The following SMYD2 variants were observed in gnomAD, a reference collection of about 807,000 sequenced individuals.
SMYD2 encodes the protein N-lysine methyltransferase SMYD2.
A neutral mutation model predicts 59.1 loss-of-function variants in SMYD2; 53 were observed. The ratio of observed to expected loss-of-function variants is 0.90; its 90% CI spans 0.72 to 1.13. SMYD2 has a LOEUF of 1.13. Ranked by LOEUF, SMYD2 falls within the 50% of genes most tolerant of loss-of-function variation. The pLI, the probability that SMYD2 is intolerant of heterozygous loss-of-function variation, is 0.00. For synonymous variants in SMYD2, 208 were observed against 198.8 expected (o/e 1.05, Z -0.39); for missense variants, 494 against 544.7 (o/e 0.91, Z 0.93).
Position 214,336,741 on chromosome 1 carries a change from A to G in SMYD2, c.1259A>G (p.His420Arg), listed in dbSNP as rs1321815783. 3.1e-6 allele frequency: 5 copies of G among 1,613,914 alleles called. No homozygotes were observed. Among genetic ancestry groups the G allele is most frequent in the Non-Finnish European group, 4.2e-6 (5 of 1,179,978 alleles). The change falls in exon 12 of 12, where the codon CAT becomes CGT. Residue 420 changes from histidine to arginine, a missense_variant. Physicochemically the swap from His to Arg is conservative, Grantham distance 29 (BLOSUM62 0). Transcript: ENST00000366957. Reference sequence around the variant, plus strand: ...ATGGAAGTAGCTCACGGCAAAGATCATCCATATATTTCTGAGATCAAACAG... The same window carrying G: ...ATGGAAGTAGCTCACGGCAAAGATCGTCCATATATTTCTGAGATCAAACAG... ...AIMEVAHGKD[H>R]PYISEIKQEI...
chr1:214,330,420 T>A, intron 8 of SMYD2, 142 bp downstream of exon 8: 1 of 575,386 alleles, frequency 1.7e-6, no homozygotes, highest in South Asian at 2.6e-5. Flanking sequence ...CCAAAGGGAA[T>A]CTAGTTAGAC....
In SMYD2 at chr1:214,318,861, C is replaced by G; in HGVS notation, c.412C>G (p.Leu138Val). Residue 138 changes from leucine to valine, a missense_variant and splice_region_variant, in exon 5 of 12, where the codon CTG becomes GTG. Physicochemically the swap from Leu to Val is conservative, Grantham distance 32. Transcript: ENST00000366957. The surrounding 1 kb of genome is among the most constrained non-coding windows in gnomAD (Gnocchi z 5.4). The part of the protein sequence containing the change: ...LLAVKEFESH[L>V]DKLDNEKKDL... ...AATAATGGATTATTTATCCACAGATCTGGATAAGTTAGACAATGAGAAGAA... is the reference window on the plus strand; with the variant it reads ...AATAATGGATTATTTATCCACAGATGTGGATAAGTTAGACAATGAGAAGAA... 6.2e-7 allele frequency: 1 copy of G among 1,613,460 alleles called. No homozygotes were observed. Among genetic ancestry groups the G allele is most frequent in the Non-Finnish European group, 8.5e-7 (1 of 1,179,864 alleles).
At chr1:214,284,567 C>A (rs953060823) in intron 1 of SMYD2, among the ~76,000 whole-genome samples, 7 of 125,198 alleles carry the variant, frequency 5.6e-5, no homozygotes, top group Admixed American at 4.9e-4. Context: ...AAGTTTTAGA[C>A]TTTTTTTTTT....
chr1:214,320,607 C>CAG (rs1198479757), intron 5 of SMYD2, among the ~76,000 whole-genome samples: 1 of 152,154 alleles, frequency 6.6e-6, no homozygotes, highest in Non-Finnish European at 1.5e-5. Context: ...GCCTAGGCAA[C>CAG]AGAGAGAGAC....
At chr1:214,325,928 G>C (rs574775910) in intron 6 of SMYD2, among the ~76,000 whole-genome samples, 1 of 151,896 alleles carries the variant, frequency 6.6e-6, no homozygotes, top group Non-Finnish European at 1.5e-5. Flanking sequence ...AAGACTAAAA[G>C]ATTAAGAGTA....
intron 1 of SMYD2, among the ~76,000 whole-genome samples, chr1:214,303,368 A>T (rs527993940): frequency 6.6e-6 from 1 of 152,224 alleles, no homozygotes; most frequent in Admixed American, 6.5e-5. Context: ...TTTTTAGTGC[A>T]TTTCCCGAGA....
At chr1:214,328,844 A>C (rs1026396729) in intron 7 of SMYD2, among the ~76,000 whole-genome samples, 1 of 152,144 alleles carries the variant, frequency 6.6e-6, no homozygotes, top group Non-Finnish European at 1.5e-5. Context: ...CAAAGGTCTT[A>C]TGGAGACTGC....
At chr1:214,299,053 A>C (rs1296939341) in intron 1 of SMYD2, among the ~76,000 whole-genome samples, 1 of 152,134 alleles carries the variant, frequency 6.6e-6, no homozygotes, top group Non-Finnish European at 1.5e-5. Flanking sequence ...TGGGAGGCTG[A>C]GGTGAGAGGA....
intron 1 of SMYD2, among the ~76,000 whole-genome samples, chr1:214,300,995 T>C (rs1363353736): frequency 6.6e-6 from 1 of 152,232 alleles, no homozygotes; most frequent in Non-Finnish European, 1.5e-5. Context: ...CAGAAAATTA[T>C]GAAGGTTTAT....
At chr1:214,290,286 C>G (rs905397010) in intron 1 of SMYD2, among the ~76,000 whole-genome samples, 2 of 152,158 alleles carry the variant, frequency 1.3e-5, no homozygotes, top group African/African-American at 4.8e-5. Flanking sequence ...CCAGCTGTGT[C>G]TCTCAGATTC....
At position 214,281,215 on chromosome 1, in the gene SMYD2, G is replaced by C; in HGVS notation, c.-40G>C. On this transcript the variant is annotated 5_prime_UTR_variant, in exon 1 of 12. Transcript: ENST00000366957. Reference sequence around the variant, plus strand: ...CTCCAATAACAGCTCGCCGGGAGCCGCAGCTCGGGCACAGCCGGCGGCCGC... The same window carrying C: ...CTCCAATAACAGCTCGCCGGGAGCCCCAGCTCGGGCACAGCCGGCGGCCGC... 5 of 1,217,446 alleles carry C rather than the reference G, an allele frequency of 4.1e-6. No individual in the cohort carries two copies. The highest frequency in any genetic ancestry group is 5.1e-6 in the Non-Finnish European group (5 of 974,432). The allele number at this position is 1,217,446 out of a possible 1,614,324, so 75.4% of individuals were successfully genotyped here.
At chr1:214,324,900 G>A (rs1657237769) in intron 6 of SMYD2, among the ~76,000 whole-genome samples, 192 bp downstream of exon 6, 1 of 152,208 alleles carries the variant, frequency 6.6e-6, no homozygotes. Context: ...TAGTAGTTAA[G>A]AGAACAGTTG....
intron 5 of SMYD2, among the ~76,000 whole-genome samples, chr1:214,322,834 T>C (rs1328616350): frequency 6.6e-6 from 1 of 152,198 alleles, no homozygotes; most frequent in Non-Finnish European, 1.5e-5. Flanking sequence ...GCTGTAGTAA[T>C]GCTATAGTGA....
intron 5 of SMYD2, among the ~76,000 whole-genome samples, chr1:214,322,337 G>T (rs926208659): frequency 2.0e-5 from 3 of 152,180 alleles, no homozygotes; most frequent in Non-Finnish European, 4.4e-5. Flanking sequence ...CCTAATGTTG[G>T]TTGATGGTCA....
At chr1:214,336,487 G>A (rs11580360) in intron 11 of SMYD2, among the ~76,000 whole-genome samples, 19,547 of 152,188 alleles carry the variant, frequency 0.13, 1,497 homozygotes, top group East Asian at 0.26. Flanking sequence ...AGCGGAGATC[G>A]CACCACTGCA....
intron 3 of SMYD2, among the ~76,000 whole-genome samples, chr1:214,316,063 C>T (rs1292644653): frequency 2.6e-5 from 4 of 152,180 alleles, no homozygotes; most frequent in African/African-American, 9.7e-5. Flanking sequence ...CCTTGTGATC[C>T]AATGAAATAG....
intron 1 of SMYD2, among the ~76,000 whole-genome samples, chr1:214,288,149 C>T (rs182452184): frequency 6.6e-6 from 1 of 152,298 alleles, no homozygotes; most frequent in Admixed American, 6.5e-5. Flanking sequence ...AGCAATTGCA[C>T]AGAATCCTCT....
chr1:214,320,617 C>T (rs1219924915), intron 5 of SMYD2, among the ~76,000 whole-genome samples: 2 of 152,156 alleles, frequency 1.3e-5, no homozygotes, highest in Admixed American at 6.5e-5. Flanking sequence ...CAGAGAGAGA[C>T]CCTGTCTATA....
At chr1:214,281,997 C>A (rs1293197544) in intron 1 of SMYD2, among the ~76,000 whole-genome samples, 1 of 152,210 alleles carries the variant, frequency 6.6e-6, no homozygotes, top group Non-Finnish European at 1.5e-5. Context: ...ACTGACCACA[C>A]CCCCTGGATT....
Sources: allele counts gnomAD v4.1 joint callset (sites outside exome capture counted in the v4.1 genomes callset), GRCh38; gene constraint gnomAD v4.1.1; non-coding constraint Gnocchi (gnomAD v3.1); transcripts MANE v1.5; gene names NCBI Gene and HGNC (gene_info 2026-07-23, HGNC 2026-07-21).